TTC39B: variants seen among roughly 807,000 people sequenced by gnomAD.
TTC39B encodes tetratricopeptide repeat protein 39B.
In TTC39B, 92 loss-of-function variants were observed where a neutral mutation model predicts 96.6. The ratio of observed to expected loss-of-function variants is 0.95; its 90% CI spans 0.80 to 1.13. The LOEUF is 1.13. Ranked by LOEUF, TTC39B falls within the 50% of genes most tolerant of loss-of-function variation. The pLI, the probability that TTC39B is intolerant of heterozygous loss-of-function variation, is 0.00. For missense variants in TTC39B, 955 were observed against 809.3 expected (o/e 1.18, Z -2.18); for synonymous variants, 367 against 299.4 (o/e 1.23, Z -2.33).
rs555479661 is a variant in TTC39B, at chr9:15,186,853, G to C, written c.1487+91C>G. On this transcript the variant is annotated intron_variant, in intron 15 of 19. Coordinates refer to ENST00000512701, the Ensembl canonical transcript of TTC39B. ...TGGGACTACAAGCACATGCCACCAGGCCCAGCTAATTTTTTGTATTTTCAG... is the reference window on the plus strand; with the variant it reads ...TGGGACTACAAGCACATGCCACCAGCCCCAGCTAATTTTTTGTATTTTCAG... The C allele has an allele frequency of 2.7e-5, 31 of 1,157,758 alleles. No homozygotes were observed. In the African/African-American group the frequency reaches 4.4e-4, roughly 17 times the overall value. The allele number at this position is 1,157,758 out of a possible 1,614,324, so 71.7% of individuals were successfully genotyped here.
rs183004208 is a variant in TTC39B at position 15,180,839 on chromosome 9, G to A, written c.1723+1468C>T. Among the ~76,000 whole-genome samples the A allele has an allele frequency of 4.0e-3, 607 of 152,246 alleles. 9 individuals carry two copies. Among genetic ancestry groups the A allele is most frequent in the African/African-American group, 0.014 (576 of 41,552 alleles). ...GAAGAGGTCATCATAAGTTTCACAT[G>A]AAATATCTGGCAAAGGTGATCTTCA... On this transcript the variant is annotated intron_variant, in intron 17 of 19. Transcript: ENST00000512701.
At position 15,183,536 on chromosome 9, in the gene TTC39B, G is replaced by A. The variant is rs897523500; in HGVS notation, c.1615-1121C>T. On this transcript the variant is annotated intron_variant, in intron 16 of 19. Transcript: ENST00000512701. ...CTGTACATTCTACTTCCATAGACCT[G>A]GAGAAAGAAGTGCAGGGAGTTAACC... 6 of 325,972 alleles carry A rather than the reference G, an allele frequency of 1.8e-5. No homozygotes were observed. The Admixed American group carries it at 2.2e-4, about 12-fold the overall frequency. The allele number at this position is 325,972 out of a possible 1,614,324, so 20.2% of individuals were successfully genotyped here. A position where few individuals can be genotyped will look rare whatever the true frequency, so the allele number is the denominator to read the frequency against.
chr9:15,197,677 C>T (rs1324705163), intron 8 of TTC39B, among the ~76,000 whole-genome samples: 1 of 151,890 alleles, frequency 6.6e-6, no homozygotes, highest in African/African-American at 2.4e-5. Context: ...TTTCTCAAAA[C>T]CACACTTAGG....
At chr9:15,270,052 C>T (rs115321963) in intron 1 of TTC39B, among the ~76,000 whole-genome samples, 3,983 of 151,972 alleles carry the variant, frequency 0.026, 173 homozygotes, top group African/African-American at 0.091. Flanking sequence ...TTCTGTAATC[C>T]CAGCTACTTG....
At chr9:15,257,059 A>G (rs973118145) in intron 2 of TTC39B, among the ~76,000 whole-genome samples, 1 of 152,212 alleles carries the variant, frequency 6.6e-6, no homozygotes, top group Non-Finnish European at 1.5e-5. Context: ...AGCACTGACC[A>G]GTTACTGGAC....
At chr9:15,198,281 A>T (rs2131294877) in intron 8 of TTC39B, among the ~76,000 whole-genome samples, 1 of 151,710 alleles carries the variant, frequency 6.6e-6, no homozygotes, top group East Asian at 1.9e-4. Context: ...ATATGGTGAA[A>T]CCCCGTCTTT....
At chr9:15,304,939 C>T (rs1226033576) in intron 1 of TTC39B, among the ~76,000 whole-genome samples, 2 of 151,984 alleles carry the variant, frequency 1.3e-5, no homozygotes, top group Non-Finnish European at 2.9e-5. Context: ...TAACCTGGTA[C>T]TTTTCCAACT....
In TTC39B at chr9:15,287,050, TTTCTAA is replaced by T. The variant is rs574456857; in HGVS notation, c.241-19108_241-19103del. 1.4e-4 allele frequency among the ~76,000 whole-genome samples: 22 copies of T among 152,322 alleles called. 2 individuals carry two copies. The South Asian group carries it at 3.5e-3, about 24-fold the overall frequency. ...ACTTCAGCAATAAGACTAAATTATT[TTTCTAA>T]TTCTTTTTCATTCCAAAATGGACTT... On this transcript the variant is annotated intron_variant, in intron 1 of 19. Coordinates refer to ENST00000512701, the Ensembl canonical transcript of TTC39B.
At chr9:15,175,260 G>A (rs982224208) in intron 18 of TTC39B, 125 bp from the exon 19 acceptor site, 23 of 653,112 alleles carry the variant, frequency 3.5e-5, no homozygotes, top group African/African-American at 1.8e-4. Context: ...ATAGAAAGGC[G>A]GCCATTGTAT....
chr9:15,215,728 T>C (rs1820478243), intron 3 of TTC39B, among the ~76,000 whole-genome samples: 2 of 150,308 alleles, frequency 1.3e-5, no homozygotes, highest in African/African-American at 4.9e-5. Context: ...CTGGGTGTGG[T>C]GGTGCATTCT....
At chr9:15,204,548 C>A (rs998049483) in intron 6 of TTC39B, among the ~76,000 whole-genome samples, 130 of 149,780 alleles carry the variant, frequency 8.7e-4, no homozygotes, top group African/African-American at 2.9e-3. Flanking sequence ...AAAAAAAAAA[C>A]AACTTTCACA....
chr9:15,166,994 A>T (rs1331497151), exon 20 of TTC39B: 4 of 4,326 alleles, frequency 9.2e-4, no homozygotes, highest in African/African-American at 5.2e-3. Context: ...ATATATATAT[A>T]TATATATATA....
chr9:15,249,041 C>G (rs919732454), intron 2 of TTC39B: 1 of 152,158 alleles, frequency 6.6e-6, no homozygotes, highest in African/African-American at 2.4e-5. Context: ...TTATATGAAT[C>G]TGTTCAATAA....
At position 15,189,347 on chromosome 9, in the gene TTC39B, TC is replaced by T. The variant is rs369723681; in HGVS notation, c.1233+226del. On this transcript the variant is annotated intron_variant, in intron 13 of 19. Transcript: ENST00000512701. Reference sequence around the variant, plus strand: ...TATTACCCTAAAGTGCTTAATGTACTCTATGTATAAATGTAGACTATATTCA... The same window carrying T: ...TATTACCCTAAAGTGCTTAATGTACTTATGTATAAATGTAGACTATATTCA... 4.3e-3 allele frequency among the ~76,000 whole-genome samples: 655 copies of T among 152,332 alleles called. 8 individuals carry two copies. Among genetic ancestry groups the T allele is most frequent in the African/African-American group, 0.015 (615 of 41,582 alleles).
chr9:15,205,601 G>T (rs1408247455), intron 6 of TTC39B, among the ~76,000 whole-genome samples: 1 of 152,198 alleles, frequency 6.6e-6, no homozygotes, highest in Non-Finnish European at 1.5e-5. Context: ...CAGTCCTTCA[G>T]AACACCTCTC....
At chr9:15,194,247 T>C (rs1819022404) in intron 8 of TTC39B, among the ~76,000 whole-genome samples, 1 of 152,162 alleles carries the variant, frequency 6.6e-6, no homozygotes, top group African/African-American at 2.4e-5. Flanking sequence ...ATTATAAAAG[T>C]ACTTTCTTAT....
At chr9:15,181,772 C>T (rs1818260904) in intron 17 of TTC39B, among the ~76,000 whole-genome samples, 1 of 152,218 alleles carries the variant, frequency 6.6e-6, no homozygotes, top group Non-Finnish European at 1.5e-5. Context: ...TTGTGCTGCG[C>T]TAAAATTCCA....
intron 17 of TTC39B, among the ~76,000 whole-genome samples, chr9:15,178,105 A>G (rs1002022085): frequency 1.3e-4 from 19 of 151,988 alleles, no homozygotes; most frequent in African/African-American, 2.4e-4. Context: ...TCCTGACCTC[A>G]TGATCCACCC....
At chr9:15,182,998 G>A (rs1818324901) in intron 16 of TTC39B, among the ~76,000 whole-genome samples, 1 of 152,016 alleles carries the variant, frequency 6.6e-6, no homozygotes, top group African/African-American at 2.4e-5. Flanking sequence ...ATATTTAATG[G>A]GCTACCAGAT....
Sources: allele counts gnomAD v4.1 joint callset (sites outside exome capture counted in the v4.1 genomes callset), GRCh38; gene constraint gnomAD v4.1.1; transcripts MANE v1.5; gene names NCBI Gene and HGNC (gene_info 2026-07-23, HGNC 2026-07-21).